The following XYLT2 variants were observed in gnomAD, a reference collection of about 807,000 sequenced individuals.
XYLT2 encodes the protein xylosyltransferase 2, also known as UDP-D-xylose:proteoglycan core protein beta-D-xylosyltransferase.
A neutral mutation model predicts 82.6 loss-of-function variants in XYLT2; 37 were observed. The ratio of observed to expected loss-of-function variants is 0.45; its 90% CI spans 0.34 to 0.59. The LOEUF (loss-of-function observed/expected upper bound fraction) is 0.59. XYLT2 is among the 20% of genes least tolerant of loss of function. The pLI is 0.01. For missense variants in XYLT2, 934 were observed against 1,181.3 expected (o/e 0.79, Z 3.07); for synonymous variants, 474 against 499.0 (o/e 0.95, Z 0.67).
intron 8 of XYLT2, 117 bp downstream of exon 8, chr17:50,356,890 T>A: frequency 6.7e-7 from 1 of 1,496,362 alleles, no homozygotes; most frequent in Non-Finnish European, 8.9e-7. Context: ...CAGGGAAAAA[T>A]GCAAATACCG....
chr17:50,346,295 G>A lies in XYLT2; in HGVS notation c.135+20G>A. ...GGCGAGGTGCTCCGACGGCCGGGCG[G>A]GCGGGCAGGCCGGGCGCGGGGGCGC... On this transcript the variant is annotated intron_variant, in intron 1 of 10. Transcript: ENST00000017003. The surrounding 1 kb of genome is among the most constrained non-coding windows in gnomAD (Gnocchi z 5.1). 3 of 1,072,282 alleles carry A rather than the reference G, an allele frequency of 2.8e-6. No individual in the cohort carries two copies. The highest frequency in any genetic ancestry group is 3.4e-5 in the South Asian group (1 of 29,474). The allele number at this position is 1,072,282 out of a possible 1,614,324, so 66.4% of individuals were successfully genotyped here.
Position 50,346,294 on chromosome 17 carries a change from G to C in XYLT2, c.135+19G>C. ...GGGCGAGGTGCTCCGACGGCCGGGC[G>C]GGCGGGCAGGCCGGGCGCGGGGGCG... On this transcript the variant is annotated intron_variant, in intron 1 of 10. Transcript: ENST00000017003. The surrounding 1 kb of genome is among the most constrained non-coding windows in gnomAD (Gnocchi z 5.1). The C allele has an allele frequency of 9.3e-7, 1 of 1,073,792 alleles. No homozygotes were observed. Among genetic ancestry groups the C allele is most frequent in the South Asian group, 3.4e-5 (1 of 29,716 alleles). 66.5% of individuals were successfully genotyped at this position (1,073,792 alleles called of 1,614,324 possible). A position where few individuals can be genotyped will look rare whatever the true frequency, so the allele number is the denominator to read the frequency against.
rs1342550637 is a variant in XYLT2 at position 50,346,193 on chromosome 17, T to C, written c.53T>C (p.Ile18Thr). Residue 18 changes from isoleucine to threonine, a missense_variant, in exon 1 of 11, where the codon ATT becomes ACT. Coordinates refer to ENST00000017003, the MANE Select transcript of XYLT2 (RefSeq NM_022167.4). The surrounding 1 kb of genome is among the most constrained non-coding windows in gnomAD (Gnocchi z 5.1). ...CTGGTGCGGCGCTACAAGCTGGCGA[T>C]TGCCACGGCGCTGGCCATCCTGCTG... The part of the protein sequence containing the change: ...QKLVRRYKLA[I>T]ATALAILLLQ... 30 of 1,290,644 alleles carry C rather than the reference T, an allele frequency of 2.3e-5. No individual in the cohort carries two copies. Among genetic ancestry groups the C allele is most frequent in the Non-Finnish European group, 2.9e-5 (29 of 992,712 alleles). 79.9% of individuals were successfully genotyped at this position (1,290,644 alleles called of 1,614,324 possible).
intron 1 of XYLT2, 28 bp from the exon 2 acceptor site, chr17:50,353,602 C>A: frequency 6.5e-7 from 1 of 1,548,442 alleles, no homozygotes; most frequent in South Asian, 1.2e-5. Context: ...GGGTCTGCCC[C>A]AGTGATGTGT....
chr17:50,351,386 C>T (rs1207272331), intron 1 of XYLT2, among the ~76,000 whole-genome samples: 1 of 152,134 alleles, frequency 6.6e-6, no homozygotes, highest in Non-Finnish European at 1.5e-5. Context: ...TCTGTAATCC[C>T]AGCACTTTGG....
Position 50,354,994 on chromosome 17 carries a change from A to G in XYLT2, c.945A>G (p.Leu315=), listed in dbSNP as rs1476342883. ...RMYLRSMRDL[L]EVPGWAWDFF... is the part of the protein sequence containing the mutation. ...ACCTGCGGAGCATGCGGGACCTGCTAGAGGTGCCTGGCTGGGCCTGGGACT... is the reference window on the plus strand; with the variant it reads ...ACCTGCGGAGCATGCGGGACCTGCTGGAGGTGCCTGGCTGGGCCTGGGACT... The change falls in exon 4 of 11, where the codon CTA becomes CTG. Residue 315 remains leucine (L), a synonymous_variant. Transcript: ENST00000017003. 6.4e-7 allele frequency: 1 copy of G among 1,551,974 alleles called. No homozygotes were observed. The highest frequency in any genetic ancestry group is 8.7e-7 in the Non-Finnish European group (1 of 1,149,184).
chr17:50,358,646 G>C (rs1912662902), intron 10 of XYLT2, 106 bp downstream of exon 10: 1 of 1,225,010 alleles, frequency 8.2e-7, no homozygotes, highest in African/African-American at 1.5e-5. Flanking sequence ...CATCCCTAGA[G>C]TCAGGGAAGC....
In XYLT2 at chr17:50,356,270, C is replaced by G; in HGVS notation, c.1482+9C>G. 1 of 1,611,822 alleles carries G rather than the reference C, an allele frequency of 6.2e-7. No homozygotes were observed. Among genetic ancestry groups the G allele is most frequent in the Non-Finnish European group, 8.5e-7 (1 of 1,178,108 alleles). The stretch of plus-strand genomic sequence containing the variant: ...ACTTCCTCCGGCTGCAGGTGCTTGC[C>G]CGAGGCCCCAAGGCCCCTGGCTAGG... On this transcript the variant is annotated intron_variant, in intron 7 of 10. Coordinates refer to ENST00000017003, the MANE Select transcript of XYLT2 (RefSeq NM_022167.4).
chr17:50,351,776 G>C (rs1368348095), intron 1 of XYLT2, among the ~76,000 whole-genome samples: 2 of 152,174 alleles, frequency 1.3e-5, no homozygotes, highest in Non-Finnish European at 2.9e-5. Context: ...GGCTTTGAGA[G>C]GTCTATCGAG....
At position 50,360,270 on chromosome 17, in the gene XYLT2, A is replaced by G; in HGVS notation, c.2577A>G (p.Lys859=). The G allele has an allele frequency of 6.2e-7, 1 of 1,601,470 alleles. No individual in the cohort carries two copies. Among genetic ancestry groups the G allele is most frequent in the Middle Eastern group, 1.7e-4 (1 of 6,000 alleles). ...PDPKSELGPV[K]ADGRLR ...CCAAATCAGAGCTGGGGCCTGTCAA[A>G]GCAGACGGGCGACTCAGGTAGCAGG... The change falls in exon 11 of 11, where the codon AAA becomes AAG. Residue 859 remains lysine, a synonymous_variant. Coordinates refer to ENST00000017003, the MANE Select transcript of XYLT2 (RefSeq NM_022167.4).
intron 9 of XYLT2, 151 bp from the exon 10 acceptor site, chr17:50,358,056 T>G: frequency 1.5e-6 from 1 of 681,900 alleles, no homozygotes; most frequent in Non-Finnish European, 2.5e-6. Flanking sequence ...ATTAAAGGTC[T>G]CCTAGTCTGA....
rs1395714005 is a variant in XYLT2 at position 50,356,981 on chromosome 17, A to G, written c.1746-76A>G. 3 of 1,505,534 alleles carry G rather than the reference A, an allele frequency of 2.0e-6. No individual in the cohort carries two copies. The African/African-American group carries it at 4.2e-5, about 21-fold the overall frequency. 93.3% of individuals were successfully genotyped at this position (1,505,534 alleles called of 1,614,324 possible). A position where few individuals can be genotyped will look rare whatever the true frequency, so the allele number is the denominator to read the frequency against. ...GAAGTGCCTGGGGATGGGACTCCCCAGAGCCCCCTCCCTGGGACTCCAGGC... is the reference window on the plus strand; with the variant it reads ...GAAGTGCCTGGGGATGGGACTCCCCGGAGCCCCCTCCCTGGGACTCCAGGC... On this transcript the variant is annotated intron_variant, in intron 8 of 10. Transcript: ENST00000017003.
At chr17:50,358,591 C>A in intron 10 of XYLT2, 51 bp downstream of exon 10, 1 of 1,524,810 alleles carries the variant, frequency 6.6e-7, no homozygotes, top group South Asian at 1.3e-5. Flanking sequence ...GAATAGGACT[C>A]GCCAGAGAGG....
Position 50,360,440 on chromosome 17 carries a change from GAC to G in XYLT2, c.*153_*154del. On this transcript the variant is annotated 3_prime_UTR_variant, in exon 11 of 11. Transcript: ENST00000017003. The stretch of plus-strand genomic sequence containing the variant: ...ACCCACACAGACGGCAGGGAAGGTG[GAC>G]ACAGTATGAACTACTGCTGATGTCT... 1 of 1,427,730 alleles carries G rather than the reference GAC, an allele frequency of 7.0e-7. No individual in the cohort carries two copies. The highest frequency in any genetic ancestry group is 9.1e-7 in the Non-Finnish European group (1 of 1,094,870). 88.4% of individuals were successfully genotyped at this position (1,427,730 alleles called of 1,614,324 possible).
rs1231326015 is a variant in XYLT2, at chr17:50,360,569, TTC to T, written c.*280_*281del. The T allele has an allele frequency of 7.6e-5, 82 of 1,080,670 alleles. No individual in the cohort carries two copies. In the African/African-American group the frequency reaches 1.1e-3, roughly 14 times the overall value. 66.9% of individuals were successfully genotyped at this position (1,080,670 alleles called of 1,614,324 possible). Reference sequence around the variant, plus strand: ...CCTGTCTAGTTTGAATTTCTTTTTTTTCTTTTTTTTTTTTTTTTTTTAATTTA... The same window carrying T: ...CCTGTCTAGTTTGAATTTCTTTTTTTTTTTTTTTTTTTTTTTTTTAATTTA... On this transcript the variant is annotated 3_prime_UTR_variant, in exon 11 of 11. Coordinates refer to ENST00000017003, the MANE Select transcript of XYLT2 (RefSeq NM_022167.4).
In XYLT2 at chr17:50,360,781, G is replaced by A; in HGVS notation, c.*490G>A. The A allele has an allele frequency of 3.0e-6, 3 of 986,548 alleles. No individual in the cohort carries two copies. Among genetic ancestry groups the A allele is most frequent in the Non-Finnish European group, 3.6e-6 (3 of 830,480 alleles). 61.1% of individuals were successfully genotyped at this position (986,548 alleles called of 1,614,324 possible). A position where few individuals can be genotyped will look rare whatever the true frequency, so the allele number is the denominator to read the frequency against. ...CCTCATGCCCCATTCTGGGCCTGTG[G>A]TGCTCGTGGCTGAGGCTCCACAGGG... On this transcript the variant is annotated 3_prime_UTR_variant, in exon 11 of 11. Transcript: ENST00000017003.
At chr17:50,349,922 C>T (rs1912185969) in intron 1 of XYLT2, among the ~76,000 whole-genome samples, 2 of 152,134 alleles carry the variant, frequency 1.3e-5, no homozygotes, top group Admixed American at 1.3e-4. Context: ...GTGGCTCACG[C>T]CTGTAATCCC....
chr17:50,346,278 G>T lies in XYLT2; in HGVS notation c.135+3G>T. ...TGGAGGAGGACGAGGCGGGCGAGGT[G>T]CTCCGACGGCCGGGCGGGCGGGCAG... On this transcript the variant is annotated splice_donor_region_variant and intron_variant, in intron 1 of 10. Coordinates refer to ENST00000017003, the MANE Select transcript of XYLT2 (RefSeq NM_022167.4). This position sits in a 1 kb window ranked among gnomAD's most constrained non-coding sequence, Gnocchi z 5.1. 1 of 1,114,744 alleles carries T rather than the reference G, an allele frequency of 9.0e-7. No homozygotes were observed. The allele number at this position is 1,114,744 out of a possible 1,614,324, so 69.1% of individuals were successfully genotyped here. A position where few individuals can be genotyped will look rare whatever the true frequency, so the allele number is the denominator to read the frequency against.
In XYLT2 at chr17:50,360,175, A is replaced by G. The variant is rs1912739738; in HGVS notation, c.2482A>G (p.Ile828Val). 1 of 1,614,050 alleles carries G rather than the reference A, an allele frequency of 6.2e-7. No homozygotes were observed. ...CTGGTCCGTGGCTGGACTGTGTGCC[A>G]TAGGCCCCTCTCCCTGCCCCTCCCT... ...SFWSVAGLCA[I>V]GPSPCPSLEP... Residue 828 changes from isoleucine (I) to valine (V), a missense_variant, in exon 11 of 11, where the codon ATA (isoleucine) becomes GTA (valine). Physicochemically the swap from Ile to Val is conservative, Grantham distance 29. Around this residue, in one of 3 missense-constraint regions of XYLT2, gnomAD observed 374 missense variants for 465.6 expected, o/e 0.80. Coordinates refer to ENST00000017003, the MANE Select transcript of XYLT2 (RefSeq NM_022167.4).
Sources: gnomAD v4.1 joint callset for allele counts (sites outside exome capture counted in the v4.1 genomes callset) on GRCh38, gnomAD v4.1.1 for gene constraint, gnomAD v4.1.1 regional missense constraint, Gnocchi (gnomAD v3.1) non-coding constraint, MANE v1.5 for transcripts, NCBI Gene and HGNC (gene_info 2026-07-23, HGNC 2026-07-21) for gene names.